The following SLC39A10 variants were observed in gnomAD, a reference collection of about 807,000 sequenced individuals.
The protein encoded by SLC39A10 is solute carrier family 39 member 10, also known as zinc transporter ZIP10.
A neutral mutation model predicts 65.1 loss-of-function variants in SLC39A10; 13 were observed. That is an observed-to-expected ratio of 0.20 (90% CI 0.13 to 0.32). SLC39A10 has a LOEUF of 0.32. Ranked by LOEUF, SLC39A10 falls within the 10% of genes least tolerant of loss-of-function variation. The pLI is 1.00. For synonymous variants in SLC39A10, 321 were observed against 342.2 expected (o/e 0.94, Z 0.68); for missense variants, 831 against 1,018.4 (o/e 0.82, Z 2.50).
intron 2 of SLC39A10, among the ~76,000 whole-genome samples, chr2:195,625,222 AAAAGAAAG>A (rs376327259): frequency 7.1e-5 from 8 of 112,184 alleles, no homozygotes; most frequent in Non-Finnish European, 1.3e-4. Context: ...GTCTCAAAAA[AAAAGAAAG>A]AAAGAAAGAA....
chr2:195,733,045 T>C (rs1692477201), intron 9 of SLC39A10, among the ~76,000 whole-genome samples: 1 of 152,200 alleles, frequency 6.6e-6, no homozygotes, highest in Non-Finnish European at 1.5e-5. Flanking sequence ...AAATATGACC[T>C]TTAAGAGATT....
Position 195,716,693 on chromosome 2 carries a change from T to A in SLC39A10, c.1753T>A (p.Leu585Ile). 1.2e-6 allele frequency: 2 copies of A among 1,613,814 alleles called. No individual in the cohort carries two copies. Among genetic ancestry groups the A allele is most frequent in the Non-Finnish European group, 1.7e-6 (2 of 1,179,846 alleles). Residue 585 changes from leucine (L) to isoleucine (I), a missense_variant, in exon 7 of 10, where the codon TTA becomes ATA. Transcript: ENST00000359634. ...ACTTAATGAAACTGAACTGACAGAT[T>A]TAGAAGGCCAACAAGAATCCCCTCC... ...DRLNETELTD[L>I]EGQQESPPKN...
intron 1 of SLC39A10, among the ~76,000 whole-genome samples, chr2:195,673,904 T>A (rs574800760): frequency 6.6e-6 from 1 of 152,224 alleles, no homozygotes. Context: ...TTCCCTTTTT[T>A]AAAGAAATAA....
intron 2 of SLC39A10, among the ~76,000 whole-genome samples, chr2:195,682,593 ATAAT>A (rs1209014599): frequency 6.6e-6 from 1 of 152,068 alleles, no homozygotes; most frequent in African/African-American, 2.4e-5. Context: ...ATGACTTAGG[ATAAT>A]TAATTATTAT....
intron 3 of SLC39A10, among the ~76,000 whole-genome samples, chr2:195,701,605 G>A (rs1401752046): frequency 1.3e-5 from 2 of 149,982 alleles, no homozygotes; most frequent in East Asian, 1.9e-4. Flanking sequence ...GTGTTTGTTT[G>A]TTATTAATTT....
At chr2:195,616,636 C>G (rs1403191695) in intron 2 of SLC39A10, among the ~76,000 whole-genome samples, 1 of 149,192 alleles carries the variant, frequency 6.7e-6, no homozygotes, top group Non-Finnish European at 1.5e-5. Flanking sequence ...GAAGTTGAAC[C>G]TCTGTCGCCC....
chr2:195,692,091 A>G (rs1175148585), intron 3 of SLC39A10, among the ~76,000 whole-genome samples: 2 of 152,140 alleles, frequency 1.3e-5, no homozygotes. Context: ...TCCCAGCACC[A>G]TTTGTTAAAT....
intron 8 of SLC39A10, among the ~76,000 whole-genome samples, chr2:195,720,318 C>T (rs188897187): frequency 1.3e-5 from 2 of 152,164 alleles, no homozygotes; most frequent in South Asian, 4.1e-4. Context: ...TAGTTTCTCT[C>T]CACATGCAAT....
chr2:195,657,401 G>A (rs997333088), intron 1 of SLC39A10, 120 bp downstream of exon 1: 1 of 985,632 alleles, frequency 1.0e-6, no homozygotes, highest in Non-Finnish European at 1.2e-6. Flanking sequence ...CCGGGGAGTC[G>A]GGGCTGGTTC....
At chr2:195,670,217 A>G (rs1195097025) in intron 1 of SLC39A10, among the ~76,000 whole-genome samples, 1 of 133,028 alleles carries the variant, frequency 7.5e-6, no homozygotes, top group Non-Finnish European at 1.6e-5. Flanking sequence ...TATGGAGAAT[A>G]TCAACCCTAA....
At chr2:195,624,336 G>T (rs1269083301) in intron 2 of SLC39A10, among the ~76,000 whole-genome samples, 1 of 136,716 alleles carries the variant, frequency 7.3e-6, no homozygotes, top group Non-Finnish European at 1.5e-5. Flanking sequence ...ACCGTGAGCC[G>T]AAATCGTGCC....
intron 3 of SLC39A10, among the ~76,000 whole-genome samples, chr2:195,705,458 G>A (rs1423187193): frequency 2.0e-5 from 3 of 152,114 alleles, no homozygotes; most frequent in Admixed American, 6.5e-5. Flanking sequence ...TGAATACAAC[G>A]CCCATTGGAT....
At chr2:195,683,405 C>G (rs1574267224) in intron 2 of SLC39A10, among the ~76,000 whole-genome samples, 1 of 152,006 alleles carries the variant, frequency 6.6e-6, no homozygotes, top group African/African-American at 2.4e-5. Flanking sequence ...TCTCATCATC[C>G]TACGAGAGTC....
At chr2:195,648,323 T>G (rs1443663038) in intron 2 of SLC39A10, among the ~76,000 whole-genome samples, 1 of 152,158 alleles carries the variant, frequency 6.6e-6, no homozygotes, top group African/African-American at 2.4e-5. Context: ...ATCAAGACTG[T>G]GCACAGGTCA....
chr2:195,731,126 C>T (rs1321848527), intron 9 of SLC39A10, among the ~76,000 whole-genome samples: 1 of 152,152 alleles, frequency 6.6e-6, no homozygotes, highest in Non-Finnish European at 1.5e-5. Context: ...TTTTTCATCC[C>T]ATTCAGAGTA....
chr2:195,653,420 G>T (rs370664074), upstream of SLC39A10, among the ~76,000 whole-genome samples: 11 of 151,730 alleles, frequency 7.2e-5, no homozygotes, highest in African/African-American at 2.7e-4. Context: ...TTAGCCTCCC[G>T]AGTAGCTGGG....
At chr2:195,618,594 A>C (rs374299060) in intron 2 of SLC39A10, among the ~76,000 whole-genome samples, 33 of 152,336 alleles carry the variant, frequency 2.2e-4, no homozygotes, top group African/African-American at 7.9e-4. Flanking sequence ...ACTTTTCCTT[A>C]CAATATATTG....
intron 4 of SLC39A10, among the ~76,000 whole-genome samples, chr2:195,707,178 C>T (rs776797214): frequency 1.3e-5 from 2 of 152,102 alleles, no homozygotes; most frequent in Admixed American, 1.3e-4. Flanking sequence ...ACACTCAGTG[C>T]GCTGTTTTAC....
At chr2:195,661,819 A>G (rs1314289577) in intron 1 of SLC39A10, among the ~76,000 whole-genome samples, 1 of 152,196 alleles carries the variant, frequency 6.6e-6, no homozygotes, top group Non-Finnish European at 1.5e-5. Flanking sequence ...AAAATCTAAA[A>G]TCTTGCTCAG....
Sources: gnomAD v4.1 joint callset for allele counts (sites outside exome capture counted in the v4.1 genomes callset) on GRCh38, gnomAD v4.1.1 for gene constraint, MANE v1.5 for transcripts, NCBI Gene and HGNC (gene_info 2026-07-23, HGNC 2026-07-21) for gene names.